The following NIBAN1 variants were observed in gnomAD, a reference collection of about 807,000 sequenced individuals.
The protein encoded by NIBAN1 is niban apoptosis regulator 1, also known as protein Niban 1.
A neutral mutation model predicts 75.1 loss-of-function variants in NIBAN1; 81 were observed. That is an observed-to-expected ratio of 1.08 (90% CI 0.90 to 1.30). The LOEUF (loss-of-function observed/expected upper bound fraction) is 1.30, where lower values mean the gene tolerates loss of function less well. Ranked by LOEUF, NIBAN1 falls within the 50% of genes most tolerant of loss-of-function variation. NIBAN1 has a pLI of 0.00. For missense variants in NIBAN1, 1,133 were observed against 1,128.1 expected, an observed-to-expected ratio of 1.00 and a Z score of -0.06; for synonymous variants, 436 against 424.8, an observed-to-expected ratio of 1.03 and a Z score of -0.32.
chr1:184,802,964 A>G (rs2102188182), intron 12 of NIBAN1, among the ~76,000 whole-genome samples: 1 of 152,114 alleles, frequency 6.6e-6, no homozygotes, highest in East Asian at 1.9e-4. Context: ...TATAAATAAT[A>G]CCTCCTCCCA....
At chr1:184,938,091 A>G (rs965158292) in intron 1 of NIBAN1, among the ~76,000 whole-genome samples, 2 of 152,226 alleles carry the variant, frequency 1.3e-5, no homozygotes, top group African/African-American at 4.8e-5. Context: ...GGTCATGGAG[A>G]TTAACAGGGA....
chr1:184,869,159 T>C (rs1656033392), intron 5 of NIBAN1, among the ~76,000 whole-genome samples: 1 of 152,174 alleles, frequency 6.6e-6, no homozygotes, highest in Non-Finnish European at 1.5e-5. Flanking sequence ...TCTGGGATTT[T>C]ATGGTCATGT....
intron 5 of NIBAN1, among the ~76,000 whole-genome samples, chr1:184,858,528 A>AC (rs920334671): frequency 6.6e-6 from 1 of 152,210 alleles, no homozygotes; most frequent in Non-Finnish European, 1.5e-5. Flanking sequence ...GCTTGTCAAA[A>AC]AAAAACAAAG....
intron 5 of NIBAN1, among the ~76,000 whole-genome samples, chr1:184,862,508 G>T (rs1655843451): frequency 6.6e-6 from 1 of 151,968 alleles, no homozygotes; most frequent in Admixed American, 6.6e-5. Context: ...GTTTTGTTTT[G>T]TTAAAATAAT....
At chr1:184,918,830 T>C (rs1252741953) in intron 1 of NIBAN1, among the ~76,000 whole-genome samples, 1 of 152,220 alleles carries the variant, frequency 6.6e-6, no homozygotes, top group Non-Finnish European at 1.5e-5. Context: ...TCTTTGTTCC[T>C]GAGAGCCTAG....
intron 6 of NIBAN1, among the ~76,000 whole-genome samples, chr1:184,829,066 C>T (rs1164029561): frequency 3.9e-5 from 6 of 152,196 alleles, no homozygotes; most frequent in Admixed American, 3.3e-4. Flanking sequence ...TTCCAAAGTG[C>T]TAAGATTACA....
At chr1:184,945,060 G>A (rs1230098465) in intron 1 of NIBAN1, among the ~76,000 whole-genome samples, 2 of 152,090 alleles carry the variant, frequency 1.3e-5, no homozygotes, top group Non-Finnish European at 2.9e-5. Flanking sequence ...AGAAATGAGA[G>A]ATATGTTCCT....
intron 1 of NIBAN1, among the ~76,000 whole-genome samples, chr1:184,950,758 C>T (rs180725281): frequency 3.0e-4 from 45 of 152,260 alleles, no homozygotes; most frequent in African/African-American, 1.0e-3. Flanking sequence ...AGACAATAAT[C>T]GACATAGAAC....
intron 1 of NIBAN1, among the ~76,000 whole-genome samples, chr1:184,903,814 G>A (rs1657016977): frequency 7.4e-6 from 1 of 135,962 alleles, no homozygotes; most frequent in Admixed American, 8.5e-5. Flanking sequence ...ACAGCTCACT[G>A]CAGCCTTGAC....
intron 5 of NIBAN1, among the ~76,000 whole-genome samples, chr1:184,840,468 T>A (rs1054216962): frequency 6.6e-6 from 1 of 152,118 alleles, no homozygotes. Flanking sequence ...GAACTCACCC[T>A]GAGAATATAA....
chr1:184,967,628 T>A (rs1658830255), intron 1 of NIBAN1, among the ~76,000 whole-genome samples: 1 of 152,200 alleles, frequency 6.6e-6, no homozygotes, highest in African/African-American at 2.4e-5. Flanking sequence ...AAAAGCTCAG[T>A]AGTTCACAGT....
intron 5 of NIBAN1, among the ~76,000 whole-genome samples, chr1:184,837,229 C>T (rs954038476): frequency 2.0e-5 from 3 of 152,076 alleles, no homozygotes; most frequent in African/African-American, 7.2e-5. Flanking sequence ...CGTTCTGTGG[C>T]CCTCAGAATC....
At chr1:184,942,154 G>A (rs1658105785) in intron 1 of NIBAN1, among the ~76,000 whole-genome samples, 1 of 152,198 alleles carries the variant, frequency 6.6e-6, no homozygotes. Context: ...TTGATCTGAA[G>A]AATAATTTCT....
At chr1:184,955,325 T>TCCTTTCCTTTCCTTC (rs1483419726) in intron 1 of NIBAN1, among the ~76,000 whole-genome samples, 2 of 142,384 alleles carry the variant, frequency 1.4e-5, no homozygotes, top group Non-Finnish European at 3.0e-5. Context: ...TCCTTTCCTT[T>TCCTTTCCTTTCCTTC]CCTTTCCTTT....
chr1:184,952,290 G>C (rs1277445883), intron 1 of NIBAN1, among the ~76,000 whole-genome samples: 3 of 152,210 alleles, frequency 2.0e-5, no homozygotes, highest in Admixed American at 2.0e-4. Flanking sequence ...TACAGTCCCA[G>C]CTACTCAGGA....
At chr1:184,875,503 C>G (rs565496102) in intron 5 of NIBAN1, among the ~76,000 whole-genome samples, 455 of 152,314 alleles carry the variant, frequency 3.0e-3, no homozygotes, top group African/African-American at 0.01. Flanking sequence ...CATGTATTCT[C>G]ACGTGACGAC....
Position 184,899,176 on chromosome 1 carries a change from T to C in NIBAN1, c.186+3A>G. On this transcript the variant is annotated splice_donor_region_variant and intron_variant, in intron 2 of 13. Transcript: ENST00000367511. The stretch of plus-strand genomic sequence containing the variant: ...ACATGTAAACCAAATATCCATGGCT[T>C]ACCTTGGTCTTCAAAAACTGTGACG... 6.2e-7 allele frequency: 1 copy of C among 1,613,698 alleles called. No individual in the cohort carries two copies. Among genetic ancestry groups the C allele is most frequent in the Non-Finnish European group, 8.5e-7 (1 of 1,179,690 alleles).
In NIBAN1 at chr1:184,839,295, T is replaced by A. The variant is rs140778448; in HGVS notation, c.602-7333A>T. On this transcript the variant is annotated intron_variant, in intron 5 of 13. Coordinates refer to ENST00000367511, the MANE Select transcript of NIBAN1 (RefSeq NM_052966.4). ...AGTTTATCATGTAATTTTTAAAAAC[T>A]TTTTATTTTGAGATAATTTTAGATT... 2.0e-5 allele frequency among the ~76,000 whole-genome samples: 3 copies of A among 152,312 alleles called. No individual in the cohort carries two copies. In the East Asian group the frequency reaches 5.8e-4, roughly 29 times the overall value.
Position 184,965,103 on chromosome 1 carries a change from T to A in NIBAN1, c.55+9199A>T, listed in dbSNP as rs147308872. ...TCACGAAGTCAGGAGATCGAGAACA[T>A]CCTGGCTGACACGGTGAAACCCCGT... On this transcript the variant is annotated intron_variant, in intron 1 of 13. Coordinates refer to ENST00000367511, the MANE Select transcript of NIBAN1 (RefSeq NM_052966.4). 4.4e-3 allele frequency among the ~76,000 whole-genome samples: 675 copies of A among 152,120 alleles called. 3 individuals are homozygous for A. The highest frequency in any genetic ancestry group is 0.015 in the African/African-American group (639 of 41,488).
Sources: gnomAD v4.1 joint callset for allele counts (sites outside exome capture counted in the v4.1 genomes callset) on GRCh38, gnomAD v4.1.1 for gene constraint, MANE v1.5 for transcripts, NCBI Gene and HGNC (gene_info 2026-07-23, HGNC 2026-07-21) for gene names.